Variants in PCDHGA10 observed in about 807,000 individuals in gnomAD.
The protein encoded by PCDHGA10 is protocadherin gamma subfamily A, 10.
PCDHGA10 carries 42 observed loss-of-function variants against 59.5 expected under a neutral mutation model. The observed-to-expected ratio is 0.71, with a 90% CI of 0.55 to 0.91. The LOEUF is 0.91. Ranked by LOEUF, PCDHGA10 falls within the 40% of genes least tolerant of loss-of-function variation. The pLI is 0.00. For missense variants in PCDHGA10, 1,111 were observed against 1,198.2 expected (o/e 0.93, Z 1.07); for synonymous variants, 511 against 517.2 (o/e 0.99, Z 0.16).
In PCDHGA10 at chr5:141,503,993, C is replaced by T. The variant is rs376134059; in HGVS notation, c.2496-1400C>T. Reference sequence around the variant, plus strand: ...GTGCCAAACCCTTCTTCTTACCTTACAGTCACTTAACTGTCTCTGCTGGTC... The same window carrying T: ...GTGCCAAACCCTTCTTCTTACCTTATAGTCACTTAACTGTCTCTGCTGGTC... On this transcript the variant is annotated intron_variant, in intron 2 of 3. Transcript: ENST00000398610. Among the ~76,000 whole-genome samples, 13 of 152,312 alleles carry T rather than the reference C, an allele frequency of 8.5e-5. 1 individual carries two copies. In the East Asian group the frequency reaches 1.7e-3, roughly 20 times the overall value.
chr5:141,445,137 T>C (rs933188032), intron 1 of PCDHGA10, among the ~76,000 whole-genome samples: 9 of 152,248 alleles, frequency 5.9e-5, no homozygotes, highest in Admixed American at 3.3e-4. Context: ...AAATTGTATC[T>C]TCTAATTGTT....
In PCDHGA10 at chr5:141,487,636, AC is replaced by A. The variant is rs1562120737; in HGVS notation, c.2437-7170del. On this transcript the variant is annotated intron_variant, in intron 1 of 3. Coordinates refer to ENST00000398610, the MANE Select transcript of PCDHGA10 (RefSeq NM_018913.3). The surrounding 1 kb of genome is among the most constrained non-coding windows in gnomAD (Gnocchi z 5.0). ...TAGAGGTGAGACCTTTGCAGGCTCA[AC>A]AAATGCTTGAGGGTTATTCTGATCC... 1 of 1,614,192 alleles carries A rather than the reference AC, an allele frequency of 6.2e-7. No individual in the cohort carries two copies. The highest frequency in any genetic ancestry group is 2.2e-5 in the East Asian group (1 of 44,886).
At position 141,490,357 on chromosome 5, in the gene PCDHGA10, A is replaced by G; in HGVS notation, c.2437-4450A>G. ...AGTGGGCACAGTAGTGGGGTTGTTT[A>G]ATGTGCGAGACCGGGACTCAGGTAG... On this transcript the variant is annotated intron_variant, in intron 1 of 3. Transcript: ENST00000398610. This position sits in a 1 kb window ranked among gnomAD's most constrained non-coding sequence, Gnocchi z 5.4. The G allele has an allele frequency of 6.2e-7, 1 of 1,614,178 alleles. No individual in the cohort carries two copies. The highest frequency in any genetic ancestry group is 8.5e-7 in the Non-Finnish European group (1 of 1,180,030).
At chr5:141,415,688 T>A (rs373105795) in intron 1 of PCDHGA10, 77 bp downstream of exon 1, 395 of 1,545,880 alleles carry the variant, frequency 2.6e-4, no homozygotes, top group Non-Finnish European at 3.3e-4. Context: ...GGCATGATGG[T>A]GGAAAGTGTA....
intron 1 of PCDHGA10, among the ~76,000 whole-genome samples, chr5:141,458,513 G>GTT (rs537551567): frequency 7.5e-5 from 11 of 146,196 alleles, no homozygotes; most frequent in African/African-American, 2.2e-4. Flanking sequence ...TTGACACTTT[G>GTT]TTTTTTTTTT....
chr5:141,499,689 CTTTTTTTTT>C (rs545067566), intron 2 of PCDHGA10, among the ~76,000 whole-genome samples: 2 of 119,856 alleles, frequency 1.7e-5, no homozygotes, highest in African/African-American at 6.2e-5. Flanking sequence ...TAACAGATGA[CTTTTTTTTT>C]TTTTTTTTTT....
intron 3 of PCDHGA10, among the ~76,000 whole-genome samples, chr5:141,508,711 T>G (rs1201917424): frequency 6.6e-6 from 1 of 152,058 alleles, no homozygotes; most frequent in Admixed American, 6.5e-5. Flanking sequence ...CTCATTCTTT[T>G]CTGTGTGCAG....
intron 1 of PCDHGA10, among the ~76,000 whole-genome samples, chr5:141,425,471 T>A (rs2096877403): frequency 6.6e-6 from 1 of 152,218 alleles, no homozygotes; most frequent in African/African-American, 2.4e-5. Flanking sequence ...TGTTATTAAT[T>A]CCTATGGCAA....
chr5:141,459,486 G>A (rs764885682), intron 1 of PCDHGA10, among the ~76,000 whole-genome samples: 8 of 152,154 alleles, frequency 5.3e-5, no homozygotes, highest in Admixed American at 3.9e-4. Context: ...GTGCTATTCT[G>A]AATTAAAGTG....
chr5:141,423,004 G>T lies in PCDHGA10; in HGVS notation c.2436+7393G>T, dbSNP rs1206727312. 2 of 1,614,116 alleles carry T rather than the reference G, an allele frequency of 1.2e-6. No individual in the cohort carries two copies. Among genetic ancestry groups the T allele is most frequent in the African/African-American group, 1.3e-5 (1 of 74,958 alleles). ...ACCTGGCTACCTGGTGACCAAGGTG[G>T]TTGCGGTGGACAAAGATTCAGGCCA... On this transcript the variant is annotated intron_variant, in intron 1 of 3. Transcript: ENST00000398610.
Position 141,421,937 on chromosome 5 carries a change from A to G in PCDHGA10, c.2436+6326A>G, listed in dbSNP as rs375878901. The G allele has an allele frequency of 1.5e-5, 25 of 1,613,402 alleles. No homozygotes were observed. In the African/African-American group the frequency reaches 1.6e-4, roughly 10 times the overall value. ...ATTCGTGTGGTGGTCCTCGATGTAA[A>G]TGATCACATCCCAATGTTTACACAG... On this transcript the variant is annotated intron_variant, in intron 1 of 3. Coordinates refer to ENST00000398610, the MANE Select transcript of PCDHGA10 (RefSeq NM_018913.3).
At chr5:141,494,940 AG>A (rs888721888) in intron 2 of PCDHGA10, 75 bp downstream of exon 2, 1 of 1,610,860 alleles carries the variant, frequency 6.2e-7, no homozygotes, top group Non-Finnish European at 8.5e-7. Flanking sequence ...GAGATGGGGG[AG>A]GGCCCAGCAT....
At chr5:141,469,569 G>A (rs975304006) in intron 1 of PCDHGA10, among the ~76,000 whole-genome samples, 1 of 152,122 alleles carries the variant, frequency 6.6e-6, no homozygotes, top group Non-Finnish European at 1.5e-5. Flanking sequence ...GTGAGACTCT[G>A]TCTCTAAATA....
Position 141,432,480 on chromosome 5 carries a change from G to T in PCDHGA10, c.2436+16869G>T, listed in dbSNP as rs775075732. On this transcript the variant is annotated intron_variant, in intron 1 of 3. Transcript: ENST00000398610. This position sits in a 1 kb window ranked among gnomAD's most constrained non-coding sequence, Gnocchi z 6.0. ...GCCCTCCCCACGGACGGTTCCACTG[G>T]CGTGGAGCTGGCTCCCCGCTCCGCA... The T allele has an allele frequency of 1.9e-6, 3 of 1,614,180 alleles. No individual in the cohort carries two copies. The highest frequency in any genetic ancestry group is 2.2e-5 in the South Asian group (2 of 91,078).
intron 1 of PCDHGA10, chr5:141,417,205 C>G (rs1217296715): frequency 6.6e-6 from 1 of 151,986 alleles, no homozygotes; most frequent in Non-Finnish European, 1.5e-5. Context: ...TGAATATAGG[C>G]TAGAATTGAA....
chr5:141,436,383 G>A (rs1374382672), intron 1 of PCDHGA10, among the ~76,000 whole-genome samples: 1 of 152,104 alleles, frequency 6.6e-6, no homozygotes, highest in Admixed American at 6.5e-5. Flanking sequence ...AGCTGAATAG[G>A]CTTTATTAAA....
At chr5:141,418,632 G>A in intron 1 of PCDHGA10, 1 of 1,614,028 alleles carries the variant, frequency 6.2e-7, no homozygotes, top group Non-Finnish European at 8.5e-7. Flanking sequence ...GTGCCTCCAG[G>A]CACCTCCATC....
chr5:141,487,750 T>A lies in PCDHGA10; in HGVS notation c.2437-7057T>A, dbSNP rs2099664307. On this transcript the variant is annotated intron_variant, in intron 1 of 3. Coordinates refer to ENST00000398610, the MANE Select transcript of PCDHGA10 (RefSeq NM_018913.3). The surrounding 1 kb of genome is among the most constrained non-coding windows in gnomAD (Gnocchi z 5.0). Reference sequence around the variant, plus strand: ...TCACCATTTTTGTAAGAGGTAACTATGTGGTAGACGCTGTGCTTTGTAACT... The same window carrying A: ...TCACCATTTTTGTAAGAGGTAACTAAGTGGTAGACGCTGTGCTTTGTAACT... 1 of 1,555,392 alleles carries A rather than the reference T, an allele frequency of 6.4e-7. No homozygotes were observed. Among genetic ancestry groups the A allele is most frequent in the African/African-American group, 1.4e-5 (1 of 73,376 alleles).
intron 1 of PCDHGA10, chr5:141,423,380 G>A: frequency 6.2e-7 from 1 of 1,614,178 alleles, no homozygotes; most frequent in Non-Finnish European, 8.5e-7. Context: ...CTCAGGCTGT[G>A]GCGCTGGCAT....
Sources: gnomAD v4.1 joint callset for allele counts (sites outside exome capture counted in the v4.1 genomes callset) on GRCh38, gnomAD v4.1.1 for gene constraint, Gnocchi (gnomAD v3.1) non-coding constraint, MANE v1.5 for transcripts, NCBI Gene and HGNC (gene_info 2026-07-23, HGNC 2026-07-21) for gene names.